ERICH1: variants seen among roughly 807,000 people sequenced by gnomAD.
ERICH1 encodes the protein glutamate rich 1, also known as glutamate-rich protein 1.
ERICH1 carries 56 observed loss-of-function variants against 39.6 expected under a neutral mutation model. That is an observed-to-expected ratio of 1.41 (90% CI 1.14 to 1.77). The LOEUF (loss-of-function observed/expected upper bound fraction) is 1.77. Ranked by LOEUF, ERICH1 falls within the 40% of genes most tolerant of loss-of-function variation. The pLI, the probability that ERICH1 is intolerant of heterozygous loss-of-function variation, is 0.00. For missense variants in ERICH1, 826 were observed against 575.4 expected, an observed-to-expected ratio of 1.44 and a Z score of -4.45; for synonymous variants, 313 against 223.6, an observed-to-expected ratio of 1.40 and a Z score of -3.57.
At chr8:676,603 G>A (rs1006629105) in intron 3 of ERICH1, among the ~76,000 whole-genome samples, 7 of 152,156 alleles carry the variant, frequency 4.6e-5, no homozygotes, top group Non-Finnish European at 7.4e-5. Context: ...GGCGCCATGC[G>A]GGGGGAACAG....
chr8:698,218 C>CTT (rs1265587829), intron 2 of ERICH1, among the ~76,000 whole-genome samples: 1 of 94,590 alleles, frequency 1.1e-5, no homozygotes, highest in African/African-American at 3.0e-5. Flanking sequence ...AATCATATTC[C>CTT]TTTTCTTTTT....
chr8:677,181 G>A (rs4735815), intron 3 of ERICH1, among the ~76,000 whole-genome samples: 27,498 of 152,202 alleles, frequency 0.18, 3,023 homozygotes, highest in Middle Eastern at 0.34. Context: ...CCCATGACTC[G>A]ATAAAGCAGT....
At chr8:705,850 G>C (rs1325026715) in intron 2 of ERICH1, among the ~76,000 whole-genome samples, 2 of 152,218 alleles carry the variant, frequency 1.3e-5, no homozygotes, top group South Asian at 4.1e-4. Context: ...CTGGCCGCAT[G>C]GGGGACGGTG....
intron 2 of ERICH1, among the ~76,000 whole-genome samples, chr8:697,902 G>A (rs1810721956): frequency 6.6e-6 from 1 of 152,186 alleles, no homozygotes; most frequent in Non-Finnish European, 1.5e-5. Flanking sequence ...AGGAGTGTAG[G>A]GACCAGGAGC....
intron 2 of ERICH1, among the ~76,000 whole-genome samples, chr8:697,099 G>A (rs1003086051): frequency 6.6e-6 from 1 of 152,182 alleles, no homozygotes; most frequent in Non-Finnish European, 1.5e-5. Flanking sequence ...CGTGCTAGCA[G>A]GGCTCTCTGT....
Position 673,615 on chromosome 8 carries a change from C to G in ERICH1, c.737G>C (p.Arg246Thr). 1 of 1,549,826 alleles carries G rather than the reference C, an allele frequency of 6.5e-7. No individual in the cohort carries two copies. Among genetic ancestry groups the G allele is most frequent in the East Asian group, 2.3e-5 (1 of 44,374 alleles). The change falls in exon 4 of 6, where the codon AGG (arginine) becomes ACG (threonine). Residue 246 changes from arginine (R) to threonine (T), a missense_variant. Coordinates refer to ENST00000262109, the MANE Select transcript of ERICH1 (RefSeq NM_207332.3). The part of the protein sequence containing the change: ...DASEEDLTRA[R>T]QEEGADASEE... The stretch of plus-strand genomic sequence containing the variant: ...ACTGGCGTCCGCACCCTCTTCCTGC[C>G]TGGCCCGTGTCAGGTCTTCCTCGCT...
chr8:679,166 A>C (rs994731016), intron 3 of ERICH1, among the ~76,000 whole-genome samples: 13 of 99,920 alleles, frequency 1.3e-4, no homozygotes, highest in African/African-American at 2.0e-4. Flanking sequence ...CACAGCTCCC[A>C]CCCCTCACAG....
chr8:727,000 C>T (rs983295476), intron 1 of ERICH1, among the ~76,000 whole-genome samples: 2 of 127,842 alleles, frequency 1.6e-5, no homozygotes, highest in Admixed American at 1.4e-4. Context: ...CACACGCACA[C>T]CACACAGGCA....
chr8:636,694 G>A (rs1798465966), intron 3 of ERICH1, among the ~76,000 whole-genome samples: 1 of 152,258 alleles, frequency 6.6e-6, no homozygotes, highest in African/African-American at 2.4e-5. Flanking sequence ...CAGTGGCTGT[G>A]CAGCCTCCGA....
intron 3 of ERICH1, among the ~76,000 whole-genome samples, chr8:689,197 C>T (rs750831817): frequency 5.9e-5 from 9 of 152,070 alleles, no homozygotes; most frequent in Non-Finnish European, 1.0e-4. Flanking sequence ...CCACGGCCTC[C>T]GCCTCCCCAG....
chr8:729,721 TA>T (rs1165967532), intron 1 of ERICH1, among the ~76,000 whole-genome samples: 4 of 151,880 alleles, frequency 2.6e-5, no homozygotes, highest in African/African-American at 4.8e-5. Flanking sequence ...ACATATCCAA[TA>T]GGAAAAAAAG....
intron 3 of ERICH1, among the ~76,000 whole-genome samples, chr8:630,056 G>A (rs1389848297): frequency 9.6e-4 from 114 of 118,958 alleles, no homozygotes; most frequent in Non-Finnish European, 1.7e-3. Flanking sequence ...CACAGACAGA[G>A]CTGACTCACA....
chr8:630,784 C>A (rs1294904659), intron 3 of ERICH1, among the ~76,000 whole-genome samples: 2 of 143,636 alleles, frequency 1.4e-5, no homozygotes, highest in South Asian at 2.3e-4. Flanking sequence ...ACGGACAGAG[C>A]TGACACACAC....
chr8:653,154 G>A (rs962780888), intron 3 of ERICH1, among the ~76,000 whole-genome samples: 5 of 152,336 alleles, frequency 3.3e-5, no homozygotes, highest in East Asian at 1.9e-4. Context: ...GTACACCCAT[G>A]TACAGAGTAA....
intron 1 of ERICH1, among the ~76,000 whole-genome samples, chr8:718,613 G>A (rs894178586): frequency 6.6e-6 from 1 of 152,184 alleles, no homozygotes; most frequent in South Asian, 2.1e-4. Context: ...CAGCTGACAG[G>A]GGTTTCTCAG....
intron 2 of ERICH1, among the ~76,000 whole-genome samples, chr8:695,401 C>A (rs981528015): frequency 6.6e-6 from 1 of 152,110 alleles, no homozygotes. Context: ...TGAGCAAAAC[C>A]TGCATCTGAC....
chr8:668,710 C>A lies in ERICH1; in HGVS notation c.1146G>T (p.Leu382=). ...LLDRLASHSM[L]PSDVSILYHM... The stretch of plus-strand genomic sequence containing the variant: ...GGTACAGGATGGACACGTCTGAGGG[C>A]AGCATGCTGTGTGACGCAAGGCGGT... The change falls in exon 5 of 6, where the codon CTG becomes CTT. Residue 382 remains leucine (L), a synonymous_variant. Transcript: ENST00000262109. 6.2e-7 allele frequency: 1 copy of A among 1,613,948 alleles called. No individual in the cohort carries two copies. Among genetic ancestry groups the A allele is most frequent in the Admixed American group, 1.7e-5 (1 of 60,032 alleles).
At chr8:628,892 C>T (rs570938919) in intron 3 of ERICH1, among the ~76,000 whole-genome samples, 90 of 152,294 alleles carry the variant, frequency 5.9e-4, no homozygotes, top group African/African-American at 2.1e-3. Flanking sequence ...CAAGCCCTTC[C>T]GCTCACGAAC....
At position 673,379 on chromosome 8, in the gene ERICH1, C is replaced by CGTCTGCACCGTCCTCCTCCCCGGA. The variant is rs764395606; in HGVS notation, c.949_972dup (p.Ser317_Asp324dup). ...GTAATTGTATCATCTTCCTCGCTGGCGTCTGCACCGTCCTCCTCCCCGGAG... is the reference window on the plus strand; with the variant it reads ...GTAATTGTATCATCTTCCTCGCTGGCGTCTGCACCGTCCTCCTCCCCGGAGTCTGCACCGTCCTCCTCCCCGGAG... On this transcript the variant is annotated inframe_insertion, in exon 4 of 6. Transcript: ENST00000262109. The CGTCTGCACCGTCCTCCTCCCCGGA allele has an allele frequency of 2.6e-4, 418 of 1,614,010 alleles. 6 individuals carry two copies. The South Asian group carries it at 4.4e-3, about 17-fold the overall frequency.
Sources: gnomAD v4.1 joint callset for allele counts (sites outside exome capture counted in the v4.1 genomes callset) on GRCh38, gnomAD v4.1.1 for gene constraint, MANE v1.5 for transcripts, NCBI Gene and HGNC (gene_info 2026-07-23, HGNC 2026-07-21) for gene names.